Variants in PREX1 observed in about 807,000 individuals in gnomAD.
PREX1 encodes the protein phosphatidylinositol-3,4,5-trisphosphate dependent Rac exchange factor 1, also known as phosphatidylinositol 3,4,5-trisphosphate-dependent Rac exchanger 1 protein.
In PREX1, 41 loss-of-function variants were observed where a neutral mutation model predicts 198.3. The ratio of observed to expected loss-of-function variants is 0.21; its 90% CI spans 0.16 to 0.27. The LOEUF (loss-of-function observed/expected upper bound fraction) is 0.27. PREX1 is among the 10% of genes least tolerant of loss of function. The pLI, the probability that PREX1 is intolerant of heterozygous loss-of-function variation, is 1.00. For synonymous variants in PREX1, 843 were observed against 887.2 expected (o/e 0.95, Z 0.89); for missense variants, 1,620 against 2,200.7 (o/e 0.74, Z 5.28).
the PREX1 span, among the ~76,000 whole-genome samples, chr20:48,870,809 G>C: frequency 2.2e-5 from 3 of 136,332 alleles, no homozygotes; most frequent in Non-Finnish European, 4.7e-5. Flanking sequence ...AAATTAGCTG[G>C]GTGCAGTGGC....
intron 19 of PREX1, among the ~76,000 whole-genome samples, chr20:48,653,720 A>G (rs1222230896): frequency 6.6e-6 from 1 of 152,226 alleles, no homozygotes; most frequent in African/African-American, 2.4e-5. Flanking sequence ...AGCTGGCCCA[A>G]GGTCACGCAG....
chr20:48,662,436 C>A (rs2089604282), intron 15 of PREX1, among the ~76,000 whole-genome samples: 1 of 152,218 alleles, frequency 6.6e-6, no homozygotes, highest in Non-Finnish European at 1.5e-5. Context: ...GGGTTCAAAT[C>A]CCTGCTCAGC....
In PREX1 at chr20:48,637,733, G is replaced by C; in HGVS notation, c.3924C>G (p.Leu1308=). 6.2e-7 allele frequency: 1 copy of C among 1,612,376 alleles called. No homozygotes were observed. The highest frequency in any genetic ancestry group is 1.3e-5 in the African/African-American group (1 of 75,018). Residue 1308 remains leucine, a synonymous_variant, in exon 31 of 40, where the codon CTC becomes CTG. Coordinates refer to ENST00000371941, the MANE Select transcript of PREX1 (RefSeq NM_020820.4). The part of the protein sequence containing the change: ...RYVEDGKNQL[L]LALLKCTDTE... ...CACCTGTGCACTTCAGCAAGGCCAGGAGCAGCTGGTTCTTCCCATCTGGAA... is the reference window on the plus strand; with the variant it reads ...CACCTGTGCACTTCAGCAAGGCCAGCAGCAGCTGGTTCTTCCCATCTGGAA...
chr20:48,798,316 G>A (rs193294133), intron 1 of PREX1, among the ~76,000 whole-genome samples: 1 of 152,066 alleles, frequency 6.6e-6, no homozygotes, highest in South Asian at 2.1e-4. Flanking sequence ...ATCCCTCACT[G>A]GACACTGAGG....
intron 1 of PREX1, among the ~76,000 whole-genome samples, chr20:48,785,667 C>A (rs750495292): frequency 6.6e-6 from 1 of 152,240 alleles, no homozygotes; most frequent in Non-Finnish European, 1.5e-5. Flanking sequence ...GCTGGCCAGT[C>A]TCTTTGGGCT....
chr20:48,678,941 G>A (rs1011625606), intron 13 of PREX1, among the ~76,000 whole-genome samples: 4 of 152,220 alleles, frequency 2.6e-5, no homozygotes, highest in Non-Finnish European at 4.4e-5. Flanking sequence ...ATATGGAGGC[G>A]TTTGAAGGAA....
At chr20:48,831,721 C>G (rs2090537505), upstream of PREX1, among the ~76,000 whole-genome samples, 1 of 152,208 alleles carries the variant, frequency 6.6e-6, no homozygotes, top group Non-Finnish European at 1.5e-5. Context: ...TCTCTAAGGC[C>G]TGCAAGGGAT....
the PREX1 span, among the ~76,000 whole-genome samples, chr20:48,854,290 T>C: frequency 6.6e-6 from 1 of 152,154 alleles, no homozygotes; most frequent in Non-Finnish European, 1.5e-5. Flanking sequence ...GGAACTCAAG[T>C]GGCTGCCTGG....
chr20:48,799,984 C>A (rs1040846689), intron 1 of PREX1, among the ~76,000 whole-genome samples: 2 of 152,200 alleles, frequency 1.3e-5, no homozygotes, highest in African/African-American at 2.4e-5. Context: ...GAGGACAGAG[C>A]CAGCCTGACT....
At chr20:48,743,990 GTGATGATGATGA>G (rs3037311) in intron 3 of PREX1, among the ~76,000 whole-genome samples, 47 of 149,280 alleles carry the variant, frequency 3.1e-4, no homozygotes, top group South Asian at 6.5e-4. Context: ...AAGTGAGTTA[GTGATGATGATGA>G]TGATGATGAT....
At chr20:48,726,234 T>A in intron 5 of PREX1, 56 bp downstream of exon 5, 2 of 1,457,896 alleles carry the variant, frequency 1.4e-6, no homozygotes, top group East Asian at 4.6e-5. Context: ...TAACAAATTT[T>A]ATGTTATGCT....
At chr20:48,630,183 G>C (rs1180262157) in intron 36 of PREX1, among the ~76,000 whole-genome samples, 1 of 152,136 alleles carries the variant, frequency 6.6e-6, no homozygotes, top group African/African-American at 2.4e-5. Context: ...CCTGACCCTA[G>C]AAAACCAGGA....
At chr20:48,799,369 G>A (rs1410030602) in intron 1 of PREX1, among the ~76,000 whole-genome samples, 2 of 152,136 alleles carry the variant, frequency 1.3e-5, no homozygotes, top group Admixed American at 1.3e-4. Flanking sequence ...CATGCAGACA[G>A]GCCTGGAAGA....
chr20:48,651,642 CGAG>C, intron 21 of PREX1, 59 bp from the exon 22 acceptor site: 1 of 1,529,406 alleles, frequency 6.5e-7, no homozygotes, highest in Non-Finnish European at 8.9e-7. Flanking sequence ...GAAGGCGAGG[CGAG>C]GAGGATTCTG....
intron 7 of PREX1, among the ~76,000 whole-genome samples, chr20:48,699,631 T>C (rs1484962915): frequency 2.0e-5 from 3 of 151,984 alleles, no homozygotes; most frequent in African/African-American, 7.2e-5. Flanking sequence ...CACTTACCCA[T>C]CCATCAACAT....
chr20:48,758,563 G>GGCCGGCGCCCCCC, intron 1 of PREX1, among the ~76,000 whole-genome samples: 1 of 152,168 alleles, frequency 6.6e-6, no homozygotes, highest in East Asian at 1.9e-4. Flanking sequence ...GGACGGCCTC[G>GGCCGGCGCCCCCC]CTGCCTGTTA....
chr20:48,653,200 G>C (rs1658888598), intron 20 of PREX1, among the ~76,000 whole-genome samples, 161 bp downstream of exon 20: 1 of 152,202 alleles, frequency 6.6e-6, no homozygotes, highest in Non-Finnish European at 1.5e-5. Context: ...TGCAGCGGGA[G>C]CACAAAGCTC....
At chr20:48,838,104 A>G in the PREX1 span, among the ~76,000 whole-genome samples, 6 of 152,206 alleles carry the variant, frequency 3.9e-5, no homozygotes. Context: ...TGCAAAGAAA[A>G]GAAGCCAGGC....
chr20:48,654,888 C>T (rs1286058613), intron 19 of PREX1, among the ~76,000 whole-genome samples: 5 of 152,236 alleles, frequency 3.3e-5, no homozygotes, highest in Admixed American at 3.3e-4. Context: ...GGCCTTTCGG[C>T]TGGATCCGGC....
Sources: gnomAD v4.1 joint callset for allele counts (sites outside exome capture counted in the v4.1 genomes callset) on GRCh38, gnomAD v4.1.1 for gene constraint, MANE v1.5 for transcripts, NCBI Gene and HGNC (gene_info 2026-07-23, HGNC 2026-07-21) for gene names.